ERC2: variants seen among roughly 807,000 people sequenced by gnomAD.
The protein encoded by ERC2 is ERC protein 2.
A neutral mutation model predicts 114.8 loss-of-function variants in ERC2; 42 were observed. The observed-to-expected ratio is 0.37, with a 90% CI of 0.29 to 0.47. The LOEUF (loss-of-function observed/expected upper bound fraction) is 0.47. Ranked by LOEUF, ERC2 falls within the 20% of genes least tolerant of loss-of-function variation. The pLI is 0.99. For missense variants in ERC2, 939 were observed against 1,150.7 expected, an observed-to-expected ratio of 0.82 and a Z score of 2.66; for synonymous variants, 454 against 425.5, an observed-to-expected ratio of 1.07 and a Z score of -0.82.
At position 55,557,122 on chromosome 3, in the gene ERC2, T is replaced by C. The variant is rs563910369; in HGVS notation, c.*40-45846A>G. On this transcript the variant is annotated intron_variant, in intron 17 of 17. Transcript: ENST00000288221. ...AAAAGTTCTGCTGACACACAAGGAG[T>C]GAGAGCCTTCTTCTGGCTTTAGGCC... is the stretch of plus-strand genomic sequence containing the variant. Among the ~76,000 whole-genome samples the C allele has an allele frequency of 1.6e-4, 24 of 152,044 alleles. No homozygotes were observed. The South Asian group carries it at 3.7e-3, about 24-fold the overall frequency.
intron 3 of ERC2, among the ~76,000 whole-genome samples, chr3:56,282,543 GGCAAGTTACTTAACT>G (rs1255604677): frequency 6.6e-6 from 1 of 152,160 alleles, no homozygotes; most frequent in Non-Finnish European, 1.5e-5. Flanking sequence ...TGAGGTCTCA[GGCAAGTTACTTAACT>G]GCCCTGATTA....
intron 2 of ERC2, among the ~76,000 whole-genome samples, chr3:56,338,493 G>A (rs1576491113): frequency 6.6e-6 from 1 of 152,182 alleles, no homozygotes; most frequent in Non-Finnish European, 1.5e-5. Flanking sequence ...AGATGGGCCT[G>A]CCACCTGCAA....
intron 17 of ERC2, among the ~76,000 whole-genome samples, chr3:55,665,923 G>T (rs375481971): frequency 6.6e-6 from 1 of 152,212 alleles, no homozygotes. Flanking sequence ...CACACAGCTA[G>T]CATGTGGCCA....
chr3:56,434,183 G>T, intron 2 of ERC2, 168 bp downstream of exon 2: 1 of 621,364 alleles, frequency 1.6e-6, no homozygotes, highest in South Asian at 2.1e-5. Flanking sequence ...AGCTGTAATG[G>T]TATATTTCCT....
At chr3:55,990,294 C>A (rs947468520) in intron 11 of ERC2, among the ~76,000 whole-genome samples, 1 of 152,088 alleles carries the variant, frequency 6.6e-6, no homozygotes, top group Admixed American at 6.5e-5. Context: ...GAATAAAAAT[C>A]AGATTATCAT....
chr3:56,410,712 G>A (rs1042387695), intron 2 of ERC2, among the ~76,000 whole-genome samples: 3 of 152,162 alleles, frequency 2.0e-5, no homozygotes, highest in Non-Finnish European at 4.4e-5. Flanking sequence ...GGAGTGCAGT[G>A]ATGCCATCAT....
intron 3 of ERC2, among the ~76,000 whole-genome samples, chr3:56,197,489 A>G (rs2048175951): frequency 6.6e-6 from 1 of 152,192 alleles, no homozygotes; most frequent in Admixed American, 6.5e-5. Context: ...ACATGACCAC[A>G]CATGCAAAGG....
chr3:56,127,714 C>A (rs1187758461), intron 6 of ERC2, among the ~76,000 whole-genome samples: 4 of 148,344 alleles, frequency 2.7e-5, no homozygotes, highest in Admixed American at 6.7e-5. Flanking sequence ...TAGAGCAAAA[C>A]TCTGTCTCAA....
At chr3:55,836,174 C>T (rs901053093) in intron 14 of ERC2, among the ~76,000 whole-genome samples, 6 of 152,130 alleles carry the variant, frequency 3.9e-5, no homozygotes. Flanking sequence ...AATGGCCATA[C>T]TGCCCAAGGT....
At chr3:55,956,467 T>C (rs1010139970) in intron 12 of ERC2, among the ~76,000 whole-genome samples, 3 of 151,982 alleles carry the variant, frequency 2.0e-5, no homozygotes, top group Non-Finnish European at 2.9e-5. Flanking sequence ...AGCTTGTAAA[T>C]ACCATTCAGT....
chr3:55,918,545 G>C (rs184799545), intron 13 of ERC2, among the ~76,000 whole-genome samples: 1 of 152,004 alleles, frequency 6.6e-6, no homozygotes, highest in East Asian at 1.9e-4. Context: ...CTTAAATCTG[G>C]GCTGGCCTTG....
At chr3:55,825,752 T>G (rs966736297) in intron 14 of ERC2, among the ~76,000 whole-genome samples, 2 of 152,220 alleles carry the variant, frequency 1.3e-5, no homozygotes, top group Non-Finnish European at 2.9e-5. Flanking sequence ...GATATTACAC[T>G]AAAGTTAATA....
At chr3:55,799,338 G>A (rs1193099910) in intron 14 of ERC2, among the ~76,000 whole-genome samples, 3 of 140,850 alleles carry the variant, frequency 2.1e-5, no homozygotes, top group Non-Finnish European at 4.6e-5. Flanking sequence ...CTTTTCCTTC[G>A]GTATTCTTCC....
At chr3:56,323,218 G>C (rs527483795) in intron 2 of ERC2, among the ~76,000 whole-genome samples, 67 of 152,066 alleles carry the variant, frequency 4.4e-4, no homozygotes, top group Non-Finnish European at 7.1e-4. Context: ...GAGTAAGAAA[G>C]TCCCCCTAGA....
intron 5 of ERC2, among the ~76,000 whole-genome samples, chr3:56,147,094 C>T (rs564127497): frequency 3.9e-5 from 6 of 152,250 alleles, no homozygotes; most frequent in African/African-American, 7.2e-5. Flanking sequence ...ATAACAGAGT[C>T]GAGGGAAAAG....
chr3:55,527,848 A>T (rs1018199346), intron 17 of ERC2, among the ~76,000 whole-genome samples: 1 of 151,734 alleles, frequency 6.6e-6, no homozygotes, highest in East Asian at 1.9e-4. Flanking sequence ...TGGGCAGTCA[A>T]CTCCCCTTTT....
At chr3:55,584,358 G>C (rs1291116245) in intron 17 of ERC2, among the ~76,000 whole-genome samples, 1 of 152,148 alleles carries the variant, frequency 6.6e-6, no homozygotes, top group African/African-American at 2.4e-5. Context: ...GCAGTCCTTA[G>C]AGCCACGCCT....
chr3:55,826,922 T>C (rs1392967157), intron 14 of ERC2, among the ~76,000 whole-genome samples: 3 of 152,178 alleles, frequency 2.0e-5, no homozygotes. Context: ...AGGGCAGTGG[T>C]TATCACTGAA....
chr3:56,290,348 G>T (rs905698264), intron 3 of ERC2, among the ~76,000 whole-genome samples: 1 of 152,176 alleles, frequency 6.6e-6, no homozygotes, highest in South Asian at 2.1e-4. Context: ...AATATCTGAG[G>T]TCTGGGAATA....
Sources: gnomAD v4.1 joint callset for allele counts (sites outside exome capture counted in the v4.1 genomes callset) on GRCh38, gnomAD v4.1.1 for gene constraint, MANE v1.5 for transcripts, NCBI Gene and HGNC (gene_info 2026-07-23, HGNC 2026-07-21) for gene names.